Variants in PDE3A observed in about 807,000 individuals in gnomAD.
PDE3A encodes the protein phosphodiesterase 3A, also known as cGMP-inhibited 3',5'-cyclic phosphodiesterase 3A.
PDE3A carries 43 observed loss-of-function variants against 98.3 expected under a neutral mutation model. The ratio of observed to expected loss-of-function variants is 0.44; its 90% CI spans 0.34 to 0.56. The LOEUF is 0.56. PDE3A is among the 20% of genes least tolerant of loss of function. The pLI is 0.01. For missense variants in PDE3A, 1,427 were observed against 1,440.7 expected, an observed-to-expected ratio of 0.99 and a Z score of 0.15; for synonymous variants, 663 against 567.9, an observed-to-expected ratio of 1.17 and a Z score of -2.38.
intron 4 of PDE3A, among the ~76,000 whole-genome samples, chr12:20,617,173 T>C (rs994154871): frequency 6.6e-6 from 1 of 152,170 alleles, no homozygotes; most frequent in Non-Finnish European, 1.5e-5. Flanking sequence ...CACATCTATG[T>C]CGTATTATAT....
At chr12:20,571,175 T>C (rs1230223911) in intron 2 of PDE3A, among the ~76,000 whole-genome samples, 2 of 152,158 alleles carry the variant, frequency 1.3e-5, no homozygotes, top group Non-Finnish European at 2.9e-5. Flanking sequence ...CATCCATGAA[T>C]TGTGGGAGCT....
At chr12:20,513,474 G>A (rs752011729) in intron 1 of PDE3A, among the ~76,000 whole-genome samples, 2 of 152,114 alleles carry the variant, frequency 1.3e-5, no homozygotes, top group Non-Finnish European at 2.9e-5. Context: ...ATCCATCAAT[G>A]ACATATACTT....
chr12:20,665,304 T>A (rs1945281975), intron 15 of PDE3A, among the ~76,000 whole-genome samples: 1 of 152,230 alleles, frequency 6.6e-6, no homozygotes, highest in South Asian at 2.1e-4. Context: ...GAAACCTCAA[T>A]AGTGAATGCT....
chr12:20,683,822 A>G lies in PDE3A; in HGVS notation c.*3551A>G, dbSNP rs1398948545. On this transcript the variant is annotated 3_prime_UTR_variant, in exon 16 of 16. Transcript: ENST00000359062. ...TCCCGATTCTGTCTATTTTGGTTGA[A>G]TACCAGAACAAATCTTTCCGTTGCA... 1.3e-5 allele frequency: 2 copies of G among 152,176 alleles called. No individual in the cohort carries two copies. Among genetic ancestry groups the G allele is most frequent in the Admixed American group, 1.3e-4 (2 of 15,278 alleles). 9.4% of individuals were successfully genotyped at this position (152,176 alleles called of 1,614,324 possible).
chr12:20,556,741 T>A, intron 2 of PDE3A, 31 bp downstream of exon 2: 4 of 1,555,098 alleles, frequency 2.6e-6, no homozygotes, highest in Non-Finnish European at 3.6e-6. Flanking sequence ...TTTTTCACGT[T>A]TCGTTTCGTA....
At chr12:20,635,270 A>C (rs1944477298) in intron 8 of PDE3A, among the ~76,000 whole-genome samples, 1 of 151,954 alleles carries the variant, frequency 6.6e-6, no homozygotes, top group Non-Finnish European at 1.5e-5. Context: ...AAATACAAAA[A>C]AATTACCCAG....
At chr12:20,561,013 G>A (rs1432481211) in intron 2 of PDE3A, among the ~76,000 whole-genome samples, 3 of 139,920 alleles carry the variant, frequency 2.1e-5, no homozygotes, top group Admixed American at 6.8e-5. Context: ...TTGTAATCCC[G>A]GCACTTTGGG....
intron 6 of PDE3A, among the ~76,000 whole-genome samples, chr12:20,633,078 A>G (rs1351975755): frequency 2.0e-5 from 3 of 150,286 alleles, no homozygotes; most frequent in Non-Finnish European, 4.4e-5. Context: ...AGCCTCCCCA[A>G]GTAGCTGGTA....
In PDE3A at chr12:20,646,284, G is replaced by A. The variant is rs147386834; in HGVS notation, c.2252-206G>A. On this transcript the variant is annotated intron_variant, in intron 10 of 15. Transcript: ENST00000359062. ...TCAGATACCTGCATGCATAATAAAT[G>A]TTACAAGTAAGGTTTTTTTCTTGTT... Among the ~76,000 whole-genome samples, 16 of 152,262 alleles carry A rather than the reference G, an allele frequency of 1.1e-4. No individual in the cohort carries two copies. The East Asian group carries it at 2.3e-3, about 22-fold the overall frequency.
intron 2 of PDE3A, among the ~76,000 whole-genome samples, chr12:20,594,221 A>G (rs985983526): frequency 4.6e-5 from 7 of 152,182 alleles, no homozygotes; most frequent in Admixed American, 4.6e-4. Flanking sequence ...CAATGTTTTT[A>G]AGTTGCGAGG....
intron 1 of PDE3A, among the ~76,000 whole-genome samples, chr12:20,492,904 C>T (rs921872405): frequency 5.3e-5 from 8 of 151,848 alleles, no homozygotes; most frequent in African/African-American, 9.7e-5. Context: ...GTGGTGGTGG[C>T]GGGAATAAAG....
intron 1 of PDE3A, among the ~76,000 whole-genome samples, chr12:20,554,381 AT>A (rs1293695128): frequency 6.8e-6 from 1 of 147,214 alleles, no homozygotes; most frequent in African/African-American, 2.5e-5. Flanking sequence ...AATAAAAAAA[AT>A]AAAAAAAGAT....
intron 1 of PDE3A, among the ~76,000 whole-genome samples, chr12:20,551,112 A>T: frequency 6.6e-6 from 1 of 151,720 alleles, no homozygotes; most frequent in South Asian, 2.1e-4. Context: ...TTAATTTGCA[A>T]ATATAATAGG....
intron 15 of PDE3A, among the ~76,000 whole-genome samples, chr12:20,663,326 G>A (rs1169522540): frequency 6.6e-6 from 1 of 152,350 alleles, no homozygotes; most frequent in East Asian, 1.9e-4. Flanking sequence ...GCACTGCACA[G>A]TGGAGCTGTA....
intron 1 of PDE3A, among the ~76,000 whole-genome samples, chr12:20,485,598 G>C (rs11045281): frequency 0.02 from 3,097 of 152,178 alleles, 106 homozygotes; most frequent in African/African-American, 0.071. Flanking sequence ...GGGTTATTTA[G>C]TAAGAAAATG....
At chr12:20,575,755 T>C (rs914986554) in intron 2 of PDE3A, among the ~76,000 whole-genome samples, 1 of 151,772 alleles carries the variant, frequency 6.6e-6, no homozygotes, top group East Asian at 1.9e-4. Flanking sequence ...TGTTCTTTCA[T>C]CCTCCTATTT....
chr12:20,671,108 A>G (rs1413745845), intron 15 of PDE3A, among the ~76,000 whole-genome samples: 2 of 141,550 alleles, frequency 1.4e-5, no homozygotes, highest in Non-Finnish European at 3.0e-5. Flanking sequence ...GAAGAAATGG[A>G]TAAATTCCTC....
intron 2 of PDE3A, among the ~76,000 whole-genome samples, chr12:20,605,404 G>C (rs1943686615): frequency 6.6e-6 from 1 of 152,094 alleles, no homozygotes; most frequent in Non-Finnish European, 1.5e-5. Context: ...ATACAATAAG[G>C]ACTTTTCTAA....
Position 20,584,005 on chromosome 12 carries a change from A to C in PDE3A, c.1011+27295A>C, listed in dbSNP as rs1317142796. On this transcript the variant is annotated intron_variant, in intron 2 of 15. Coordinates refer to ENST00000359062, the MANE Select transcript of PDE3A (RefSeq NM_000921.5). The stretch of plus-strand genomic sequence containing the variant: ...GGCTCAGGTTCAGAGAGAGCCATCT[A>C]ATGACCACAACCTTCAAGTTCTAGA... Among the ~76,000 whole-genome samples the C allele has an allele frequency of 2.0e-5, 3 of 152,192 alleles. No individual in the cohort carries two copies. In the East Asian group the frequency reaches 5.8e-4, roughly 29 times the overall value.
Sources: gnomAD v4.1 joint callset for allele counts (sites outside exome capture counted in the v4.1 genomes callset) on GRCh38, gnomAD v4.1.1 for gene constraint, MANE v1.5 for transcripts, NCBI Gene and HGNC (gene_info 2026-07-23, HGNC 2026-07-21) for gene names.